The following SLC7A1 variants were observed in gnomAD, a reference collection of about 807,000 sequenced individuals.
SLC7A1 encodes the protein solute carrier family 7 member 1.
A neutral mutation model predicts 53.9 loss-of-function variants in SLC7A1; 10 were observed. The observed-to-expected ratio is 0.19, with a 90% confidence interval of 0.11 to 0.31. SLC7A1 has a LOEUF of 0.31. SLC7A1 is among the 10% of genes least tolerant of loss of function. SLC7A1 has a pLI of 1.00. For synonymous variants in SLC7A1, 342 were observed against 338.7 expected (o/e 1.01, Z -0.11); for missense variants, 525 against 827.2 (o/e 0.63, Z 4.48).
intron 8 of SLC7A1, among the ~76,000 whole-genome samples, chr13:29,521,877 C>G (rs911764698): frequency 2.0e-5 from 3 of 152,156 alleles, no homozygotes; most frequent in Admixed American, 2.0e-4. Context: ...AGAGGCGGCA[C>G]ATTTCATAAA....
chr13:29,552,246 CACACACACAG>C (rs1343514277), intron 2 of SLC7A1, among the ~76,000 whole-genome samples: 2 of 151,100 alleles, frequency 1.3e-5, no homozygotes, highest in East Asian at 1.9e-4. Context: ...CACACACACA[CACACACACAG>C]ACACACACAC....
At chr13:29,572,059 G>C (rs993927516) in intron 1 of SLC7A1, among the ~76,000 whole-genome samples, 1 of 152,252 alleles carries the variant, frequency 6.6e-6, no homozygotes, top group Admixed American at 6.5e-5. Context: ...AAGCAGGCCT[G>C]ATGGCCAGTG....
At position 29,512,608 on chromosome 13, in the gene SLC7A1, A is replaced by G. The variant is rs901069780; in HGVS notation, c.*1872T>C. The G allele has an allele frequency of 2.0e-5, 3 of 152,248 alleles. No individual in the cohort carries two copies. Among genetic ancestry groups the G allele is most frequent in the Non-Finnish European group, 4.4e-5 (3 of 68,042 alleles). The allele number at this position is 152,248 out of a possible 1,614,324, so 9.4% of individuals were successfully genotyped here. A position where few individuals can be genotyped will look rare whatever the true frequency, so the allele number is the denominator to read the frequency against. On this transcript the variant is annotated 3_prime_UTR_variant, in exon 13 of 13. Transcript: ENST00000380752. ...ACTACCAGGTCCTAAGACAAGAGAC[A>G]ACCAAAACCCCAACAAAATAAGTTA...
At chr13:29,580,932 C>T (rs956547203) in intron 1 of SLC7A1, among the ~76,000 whole-genome samples, 1 of 151,762 alleles carries the variant, frequency 6.6e-6, no homozygotes, top group Admixed American at 6.6e-5. Context: ...GCCCTCTATC[C>T]CCTGAACCCC....
intron 8 of SLC7A1, among the ~76,000 whole-genome samples, chr13:29,520,964 A>T (rs1868608150): frequency 6.6e-6 from 1 of 152,246 alleles, no homozygotes; most frequent in African/African-American, 2.4e-5. Flanking sequence ...TGTGAATGGC[A>T]TGTACTTTAC....
intron 12 of SLC7A1, among the ~76,000 whole-genome samples, chr13:29,514,974 A>T (rs1593536973): frequency 6.6e-6 from 1 of 152,202 alleles, no homozygotes; most frequent in Non-Finnish European, 1.5e-5. Flanking sequence ...GGAGGTCTCC[A>T]GGCTCTCAGC....
At chr13:29,571,979 T>C (rs1871214218) in intron 1 of SLC7A1, among the ~76,000 whole-genome samples, 2 of 152,356 alleles carry the variant, frequency 1.3e-5, no homozygotes, top group East Asian at 3.9e-4. Flanking sequence ...CTCTTCTTTG[T>C]TGACCTTTGC....
intron 6 of SLC7A1, 86 bp downstream of exon 6, chr13:29,524,046 G>A (rs1478234262): frequency 1.9e-5 from 26 of 1,378,138 alleles, no homozygotes; most frequent in East Asian, 6.9e-5. Context: ...CGACTGGACC[G>A]TGCCAGCAAG....
chr13:29,518,459 T>C (rs1868462734), intron 9 of SLC7A1, among the ~76,000 whole-genome samples: 1 of 152,082 alleles, frequency 6.6e-6, no homozygotes, highest in Non-Finnish European at 1.5e-5. Flanking sequence ...AAACACAGAG[T>C]TCTGTATGAA....
intron 1 of SLC7A1, among the ~76,000 whole-genome samples, chr13:29,594,614 T>C (rs994021626): frequency 6.6e-6 from 1 of 152,214 alleles, no homozygotes; most frequent in South Asian, 2.1e-4. Flanking sequence ...AGGAACACCC[T>C]GAGAATACGG....
At chr13:29,532,738 A>G in intron 4 of SLC7A1, 86 bp downstream of exon 4, 1 of 1,191,688 alleles carries the variant, frequency 8.4e-7, no homozygotes, top group Non-Finnish European at 1.2e-6. Flanking sequence ...TTAAAGAGAT[A>G]AGTAAAGAAA....
intron 2 of SLC7A1, among the ~76,000 whole-genome samples, chr13:29,540,542 CGT>C (rs1566261537): frequency 5.3e-5 from 8 of 152,162 alleles, no homozygotes; most frequent in African/African-American, 1.7e-4. Context: ...AATGGTGTGA[CGT>C]TTTCACCTTG....
At chr13:29,518,009 C>T (rs780938804) in intron 9 of SLC7A1, among the ~76,000 whole-genome samples, 11 of 152,210 alleles carry the variant, frequency 7.2e-5, no homozygotes, top group Admixed American at 4.6e-4. Context: ...GTCTCTCCTT[C>T]GGGGCGACAT....
chr13:29,580,426 C>CGGAGAAGAG (rs1555294488), intron 1 of SLC7A1, among the ~76,000 whole-genome samples: 3 of 152,302 alleles, frequency 2.0e-5, no homozygotes, highest in Admixed American at 6.5e-5. Flanking sequence ...AACTGCCTCC[C>CGGAGAAGAG]CGTTTTGAGA....
rs1871099993 is a variant in SLC7A1 at position 29,569,360 on chromosome 13, T to C, written c.-114-15500A>G. Among the ~76,000 whole-genome samples, 3 of 152,150 alleles carry C rather than the reference T, an allele frequency of 2.0e-5. No individual in the cohort carries two copies. The South Asian group carries it at 6.2e-4, about 32-fold the overall frequency. The stretch of plus-strand genomic sequence containing the variant: ...AGGGCCCCCTCACTACTCCAGGCTG[T>C]GAACCCCCTGCCCTGCCTTTGTAAA... On this transcript the variant is annotated intron_variant, in intron 1 of 12. Transcript: ENST00000380752.
chr13:29,587,074 G>T (rs1296972242), intron 1 of SLC7A1, among the ~76,000 whole-genome samples: 3 of 152,148 alleles, frequency 2.0e-5, no homozygotes, highest in Non-Finnish European at 4.4e-5. Flanking sequence ...GGCCGGAGTA[G>T]AAAAAACAAA....
rs140513148 is a variant in SLC7A1, at chr13:29,533,612, C to T, written c.371-630G>A. Among the ~76,000 whole-genome samples the T allele has an allele frequency of 1.6e-3, 241 of 152,310 alleles. 2 individuals are homozygous for T. In the Middle Eastern group the frequency reaches 0.024, roughly 15 times the overall value. ...TGCCACTTTTTGCCTGAACCTGATT[C>T]GGAGGCCACAGCATCCCCAGAGTGC... On this transcript the variant is annotated intron_variant, in intron 3 of 12. Transcript: ENST00000380752.
intron 5 of SLC7A1, among the ~76,000 whole-genome samples, chr13:29,529,201 C>G (rs1869038271): frequency 1.3e-5 from 2 of 152,300 alleles, no homozygotes; most frequent in South Asian, 2.1e-4. Context: ...TTTATTAGAA[C>G]TGCTAACCAC....
intron 1 of SLC7A1, among the ~76,000 whole-genome samples, chr13:29,577,893 C>A (rs74042344): frequency 0.022 from 3,376 of 152,276 alleles, 107 homozygotes; most frequent in African/African-American, 0.077. Flanking sequence ...AGGAGAACCA[C>A]GTTCTTCTGG....
Sources: allele counts gnomAD v4.1 joint callset (sites outside exome capture counted in the v4.1 genomes callset), GRCh38; gene constraint gnomAD v4.1.1; transcripts MANE v1.5; gene names NCBI Gene and HGNC (gene_info 2026-07-23, HGNC 2026-07-21).